The following PARVG variants were observed in gnomAD, a reference collection of about 807,000 sequenced individuals.
PARVG encodes gamma-parvin.
Under a neutral mutation model 44.4 loss-of-function variants are expected in PARVG, and 36 were observed. The ratio of observed to expected loss-of-function variants is 0.81; its 90% CI spans 0.62 to 1.07. The LOEUF (loss-of-function observed/expected upper bound fraction) is 1.07. Ranked by LOEUF, PARVG falls within the 50% of genes least tolerant of loss-of-function variation. The pLI, the probability that PARVG is intolerant of heterozygous loss-of-function variation, is 0.00. For missense variants in PARVG, 407 were observed against 407.4 expected, an observed-to-expected ratio of 1.00 and a Z score of 0.01; for synonymous variants, 170 against 174.1, an observed-to-expected ratio of 0.98 and a Z score of 0.19.
chr22:44,205,749 C>T lies in PARVG; in HGVS notation c.814-8C>T, dbSNP rs2054771596. The T allele has an allele frequency of 6.2e-7, 1 of 1,613,408 alleles. No individual in the cohort carries two copies. The highest frequency in any genetic ancestry group is 1.1e-5 in the South Asian group (1 of 91,038). On this transcript the variant is annotated splice_polypyrimidine_tract_variant and splice_region_variant and intron_variant, in intron 12 of 13. Transcript: ENST00000444313. The stretch of plus-strand genomic sequence containing the variant: ...GTGCCCACATCTGATAGGGCCTTGT[C>T]ATCATAGCTGCACAACGTCACCCTG...
At chr22:44,194,577 C>T (rs1178187365) in intron 9 of PARVG, among the ~76,000 whole-genome samples, 1 of 150,686 alleles carries the variant, frequency 6.6e-6, no homozygotes, top group East Asian at 2.0e-4. Context: ...TTATCCATCC[C>T]TCCATCCATC....
rs1239450092 is a variant in PARVG, at chr22:44,181,925, C to G, written c.-13+8C>G. 3.0e-6 allele frequency: 3 copies of G among 985,494 alleles called. No homozygotes were observed. Among genetic ancestry groups the G allele is most frequent in the Non-Finnish European group, 3.6e-6 (3 of 830,102 alleles). 61.0% of individuals were successfully genotyped at this position (985,494 alleles called of 1,614,324 possible). A position where few individuals can be genotyped will look rare whatever the true frequency, so the allele number is the denominator to read the frequency against. On this transcript the variant is annotated splice_region_variant and intron_variant, in intron 2 of 13. Coordinates refer to ENST00000444313, the MANE Select transcript of PARVG (RefSeq NM_022141.7). ...TGCGTGGAAAGCGGTTGGGTGAGTT[C>G]TGGCATCGGGGCCACCATACTTGAG...
Position 44,187,935 on chromosome 22 carries a change from C to T in PARVG, c.247+57C>T, listed in dbSNP as rs1344968757. 33 of 1,551,154 alleles carry T rather than the reference C, an allele frequency of 2.1e-5. 1 individual carries two copies. The Admixed American group carries it at 3.2e-4, about 15-fold the overall frequency. On this transcript the variant is annotated intron_variant, in intron 5 of 13. Coordinates refer to ENST00000444313, the MANE Select transcript of PARVG (RefSeq NM_022141.7). Reference sequence around the variant, plus strand: ...TCGGCCCCATCCCCCTGACCTGGCCCCTCCAGGGCCCACAGGTAGGCTCTC... The same window carrying T: ...TCGGCCCCATCCCCCTGACCTGGCCTCTCCAGGGCCCACAGGTAGGCTCTC...
intron 5 of PARVG, chr22:44,188,518 T>C (rs897836628): frequency 6.1e-6 from 1 of 162,978 alleles, no homozygotes; most frequent in African/African-American, 2.4e-5. Flanking sequence ...GCCTCTGCAG[T>C]GTTCGCCGAG....
intron 12 of PARVG, 61 bp from the exon 13 acceptor site, chr22:44,205,696 C>T (rs1279929366): frequency 3.1e-6 from 5 of 1,597,524 alleles, no homozygotes; most frequent in African/African-American, 1.3e-5. Context: ...GCACTTGGGA[C>T]CCAAGGCCTG....
Position 44,185,818 on chromosome 22 carries a change from G to A in PARVG, c.90G>A (p.Lys30=). 1 of 1,613,564 alleles carries A rather than the reference G, an allele frequency of 6.2e-7. No homozygotes were observed. The highest frequency in any genetic ancestry group is 8.5e-7 in the Non-Finnish European group (1 of 1,179,678). ...AEEELSKGGK[K]KYLPPTSRKD... ...CCACTCTGCTTCCAGGAGGAAAGAA[G>A]AAATACCTGCCACCCACTTCCCGGA... Residue 30 remains lysine (K), a synonymous_variant, in exon 4 of 14, where the codon AAG becomes AAA. Transcript: ENST00000444313.
Position 44,188,967 on chromosome 22 carries a change from G to C in PARVG, c.248-147G>C, listed in dbSNP as rs1004882080. On this transcript the variant is annotated intron_variant, in intron 5 of 13. Transcript: ENST00000444313. The stretch of plus-strand genomic sequence containing the variant: ...AGGGCATACCCGATTGAGGCTGTGA[G>C]TGTGGCCCACGGTCCAACACCAAGA... 3.0e-6 allele frequency: 3 copies of C among 1,015,396 alleles called. No homozygotes were observed. In the African/African-American group the frequency reaches 4.8e-5, roughly 16 times the overall value. 62.9% of individuals were successfully genotyped at this position (1,015,396 alleles called of 1,614,324 possible).
At position 44,181,723 on chromosome 22, in the gene PARVG, C is replaced by A. The variant is rs562882478; in HGVS notation, c.-188-19C>A. 157 of 985,396 alleles carry A rather than the reference C, an allele frequency of 1.6e-4. 1 individual carries two copies. In the Middle Eastern group the frequency reaches 2.1e-3, roughly 13 times the overall value. The allele number at this position is 985,396 out of a possible 1,614,324, so 61.0% of individuals were successfully genotyped here. ...AGCTTCACTTTCACGGCATCCACCC[C>A]CCTCGGGCCCTGCCGCAGAGAGGAG... On this transcript the variant is annotated intron_variant, in intron 1 of 13. Transcript: ENST00000444313.
chr22:44,205,513 T>G (rs1325736990), intron 12 of PARVG, among the ~76,000 whole-genome samples: 1 of 152,230 alleles, frequency 6.6e-6, no homozygotes, highest in African/African-American at 2.4e-5. Context: ...GTATAGCACC[T>G]GCTCAGAGTG....
chr22:44,187,886 G>T lies in PARVG; in HGVS notation c.247+8G>T. The T allele has an allele frequency of 6.2e-7, 1 of 1,614,014 alleles. No individual in the cohort carries two copies. The highest frequency in any genetic ancestry group is 8.5e-7 in the Non-Finnish European group (1 of 1,180,038). On this transcript the variant is annotated splice_region_variant and intron_variant, in intron 5 of 13. Transcript: ENST00000444313. ...TCCTACACCACCTATTCCGTAAGTGGCTGTTTCTGGGGCTGCCTGGGCCTC... is the reference window on the plus strand; with the variant it reads ...TCCTACACCACCTATTCCGTAAGTGTCTGTTTCTGGGGCTGCCTGGGCCTC...
chr22:44,189,045 G>T (rs907371395), intron 5 of PARVG, 69 bp from the exon 6 acceptor site: 1 of 1,599,588 alleles, frequency 6.3e-7, no homozygotes, highest in East Asian at 2.2e-5. Flanking sequence ...TCAGCCTCCT[G>T]GAGGGTCCCT....
intron 1 of PARVG, among the ~76,000 whole-genome samples, chr22:44,175,276 C>T (rs2054308454): frequency 6.6e-6 from 1 of 152,208 alleles, no homozygotes; most frequent in South Asian, 2.1e-4. Flanking sequence ...CCCCTCCTTT[C>T]CTGGTGGCCA....
At position 44,206,985 on chromosome 22, in the gene PARVG, G is replaced by GGAAATGAGGT. The variant is rs2054790290; in HGVS notation, c.*559_*560insGAAATGAGGT. On this transcript the variant is annotated 3_prime_UTR_variant, in exon 14 of 14. Transcript: ENST00000444313. The stretch of plus-strand genomic sequence containing the variant: ...TTCAGTGACTGTCAAAGCAACCCGG[G>GGAAATGAGGT]CTGTGTCCTGCAGCTGCCCTCGTGA... 1 of 156,372 alleles carries GGAAATGAGGT rather than the reference G, an allele frequency of 6.4e-6. No individual in the cohort carries two copies. Among genetic ancestry groups the GGAAATGAGGT allele is most frequent in the African/African-American group, 2.4e-5 (1 of 41,398 alleles). 9.7% of individuals were successfully genotyped at this position (156,372 alleles called of 1,614,324 possible).
intron 12 of PARVG, 84 bp downstream of exon 12, chr22:44,198,806 C>A: frequency 9.0e-7 from 1 of 1,110,898 alleles, no homozygotes; most frequent in Non-Finnish European, 1.4e-6. Context: ...TGTTTATTCA[C>A]TTCCAGGTGA....
chr22:44,176,881 T>G (rs916932138), upstream of PARVG, among the ~76,000 whole-genome samples: 1 of 152,130 alleles, frequency 6.6e-6, no homozygotes, highest in Non-Finnish European at 1.5e-5. Context: ...ATATCTTACA[T>G]GGCGGCAGGC....
At chr22:44,201,436 C>T (rs140055638) in intron 12 of PARVG, among the ~76,000 whole-genome samples, 2,573 of 152,208 alleles carry the variant, frequency 0.017, 27 homozygotes, top group Non-Finnish European at 0.025. Flanking sequence ...GTCCCTCGCC[C>T]CCACGGGGAT....
intron 12 of PARVG, among the ~76,000 whole-genome samples, chr22:44,203,663 C>T (rs373102528): frequency 1.3e-5 from 2 of 152,318 alleles, no homozygotes; most frequent in East Asian, 1.9e-4. Flanking sequence ...GATGAGAATG[C>T]GAACAATAGC....
At chr22:44,183,069 C>G (rs886682833) in intron 2 of PARVG, 1 of 499,740 alleles carries the variant, frequency 2.0e-6, no homozygotes, top group Admixed American at 4.1e-5. Context: ...CCACTTCCTC[C>G]GCCAAGCCTT....
rs959947013 is a variant in PARVG, at chr22:44,199,190, TACCCAGTCCATCCATCCATCCATCC to T, written c.813+474_813+498del. ...CTATCTTCCTGTCTGTTTATTCATC[TACCCAGTCCATCCATCCATCCATCC>T]ACCCACCTACCTGCCTGCCTGTCTA... On this transcript the variant is annotated intron_variant, in intron 12 of 13. Coordinates refer to ENST00000444313, the MANE Select transcript of PARVG (RefSeq NM_022141.7). Among the ~76,000 whole-genome samples the T allele has an allele frequency of 8.1e-4, 112 of 137,550 alleles. 1 individual carries two copies. In the South Asian group the frequency reaches 0.027, roughly 33 times the overall value. The allele number at this position is 137,550 out of a possible 152,430, so 90.2% of individuals were successfully genotyped here.
Sources: gnomAD v4.1 joint callset for allele counts (sites outside exome capture counted in the v4.1 genomes callset) on GRCh38, gnomAD v4.1.1 for gene constraint, MANE v1.5 for transcripts, NCBI Gene and HGNC (gene_info 2026-07-23, HGNC 2026-07-21) for gene names.